PHACTR1: variants seen among roughly 807,000 people sequenced by gnomAD.
The protein encoded by PHACTR1 is phosphatase and actin regulator 1, also known as RPEL repeat containing 1.
In PHACTR1, 16 loss-of-function variants were observed where a neutral mutation model predicts 69.2. The observed-to-expected ratio is 0.23, with a 90% CI of 0.16 to 0.35. The LOEUF (loss-of-function observed/expected upper bound fraction) is 0.35. Ranked by LOEUF, PHACTR1 falls within the 10% of genes least tolerant of loss-of-function variation. The pLI is 1.00. For synonymous variants in PHACTR1, 312 were observed against 284.5 expected, an observed-to-expected ratio of 1.10 and a Z score of -0.97; for missense variants, 510 against 734.7, an observed-to-expected ratio of 0.69 and a Z score of 3.54.
chr6:12,910,436 T>C (rs920748000), intron 4 of PHACTR1, among the ~76,000 whole-genome samples: 20 of 152,228 alleles, frequency 1.3e-4, no homozygotes, highest in African/African-American at 4.6e-4. Context: ...AAAATGCATA[T>C]AGTACTTGTT....
intron 5 of PHACTR1, among the ~76,000 whole-genome samples, chr6:13,067,233 T>C (rs755104480): frequency 5.9e-5 from 9 of 152,188 alleles, no homozygotes; most frequent in Non-Finnish European, 1.2e-4. Flanking sequence ...TATAGTATTA[T>C]TAACTTCACT....
chr6:12,899,929 T>A (rs972832323), intron 4 of PHACTR1, among the ~76,000 whole-genome samples: 1 of 152,144 alleles, frequency 6.6e-6, no homozygotes, highest in East Asian at 1.9e-4. Flanking sequence ...AGGGCCATCA[T>A]CACTGGGGAC....
intron 5 of PHACTR1, among the ~76,000 whole-genome samples, chr6:13,137,605 T>C (rs184898315): frequency 1.3e-5 from 2 of 152,376 alleles, no homozygotes; most frequent in Admixed American, 1.3e-4. Context: ...TAGCAGTTCC[T>C]GTTGTTTGAA....
chr6:13,051,028 C>T (rs981014976), intron 4 of PHACTR1, among the ~76,000 whole-genome samples: 3 of 152,092 alleles, frequency 2.0e-5, no homozygotes, highest in Admixed American at 6.5e-5. Context: ...CCCCATATTC[C>T]GAGTCAGGTT....
intron 5 of PHACTR1, among the ~76,000 whole-genome samples, chr6:13,064,594 ATATATATATATCTATATATCTATCTATC>A (rs1808282342): frequency 6.0e-4 from 5 of 8,370 alleles, no homozygotes; most frequent in African/African-American, 6.4e-4. Flanking sequence ...ATATATATAT[ATATATATATATCTATATATCTATCTATC>A]CACACTTGCC....
chr6:13,194,530 C>T (rs1764099708), intron 7 of PHACTR1, among the ~76,000 whole-genome samples: 1 of 151,518 alleles, frequency 6.6e-6, no homozygotes, highest in Admixed American at 6.6e-5. Flanking sequence ...GGTGACGTGC[C>T]TAAGTGACTC....
intron 7 of PHACTR1, among the ~76,000 whole-genome samples, chr6:13,202,591 C>T (rs953026362): frequency 5.3e-5 from 8 of 151,616 alleles, no homozygotes; most frequent in African/African-American, 1.5e-4. Flanking sequence ...GATTCTCCTG[C>T]CTCAGCCTCC....
Position 12,860,657 on chromosome 6 carries a change from T to C in PHACTR1, c.250+110867T>C, listed in dbSNP as rs145626352. 2.1e-3 allele frequency among the ~76,000 whole-genome samples: 315 copies of C among 152,330 alleles called. 4 individuals carry two copies. Among genetic ancestry groups the C allele is most frequent in the East Asian group, 0.012 (61 of 5,190 alleles). ...GTTTCTCCACATCCTTTCCAGCATC[T>C]GTTGTTTCCTGACTTTTTAATGATC... is the stretch of plus-strand genomic sequence containing the variant. On this transcript the variant is annotated intron_variant, in intron 4 of 14. Coordinates refer to ENST00000332995, the MANE Select transcript of PHACTR1 (RefSeq NM_030948.6).
At chr6:12,932,377 T>C (rs1788961150) in intron 4 of PHACTR1, among the ~76,000 whole-genome samples, 1 of 152,212 alleles carries the variant, frequency 6.6e-6, no homozygotes. Flanking sequence ...ATAGCAAGTA[T>C]GGCCAATGCT....
At chr6:12,845,293 C>G (rs1329421313) in intron 4 of PHACTR1, among the ~76,000 whole-genome samples, 1 of 152,072 alleles carries the variant, frequency 6.6e-6, no homozygotes, top group Non-Finnish European at 1.5e-5. Flanking sequence ...TGTTACCCAT[C>G]ACATAGGCCA....
intron 4 of PHACTR1, among the ~76,000 whole-genome samples, chr6:12,765,803 GCAATGATACATAC>G (rs1768538737): frequency 6.6e-6 from 1 of 152,140 alleles, no homozygotes; most frequent in African/African-American, 2.4e-5. Flanking sequence ...AATATCACTT[GCAATGATACATAC>G]CATTAGCTTT....
chr6:12,976,127 G>A (rs573498245), intron 4 of PHACTR1, among the ~76,000 whole-genome samples: 1 of 152,152 alleles, frequency 6.6e-6, no homozygotes, highest in Non-Finnish European at 1.5e-5. Flanking sequence ...GTGATGGAAG[G>A]GGAAGGAGAC....
intron 4 of PHACTR1, among the ~76,000 whole-genome samples, chr6:12,914,029 C>T (rs753545218): frequency 6.6e-5 from 10 of 152,096 alleles, no homozygotes; most frequent in East Asian, 3.9e-4. Flanking sequence ...AGTGCAGTGG[C>T]GCAATTTCAG....
chr6:12,849,271 A>T (rs148888965), intron 4 of PHACTR1, among the ~76,000 whole-genome samples: 379 of 152,308 alleles, frequency 2.5e-3, no homozygotes, highest in African/African-American at 8.5e-3. Flanking sequence ...CTCACAATTA[A>T]CAATAAAGCG....
intron 7 of PHACTR1, among the ~76,000 whole-genome samples, chr6:13,197,807 G>A (rs1764644528): frequency 6.6e-6 from 1 of 152,178 alleles, no homozygotes; most frequent in South Asian, 2.1e-4. Context: ...CCAGAGCAGT[G>A]CTGGGATAAT....
chr6:12,846,056 A>G (rs963909434), intron 4 of PHACTR1, among the ~76,000 whole-genome samples: 5 of 148,208 alleles, frequency 3.4e-5, no homozygotes, highest in Admixed American at 6.8e-5. Flanking sequence ...TACTGAAGCC[A>G]TTTCTTTAAA....
At chr6:12,954,103 G>A (rs1791596930) in intron 4 of PHACTR1, among the ~76,000 whole-genome samples, 1 of 152,122 alleles carries the variant, frequency 6.6e-6, no homozygotes, top group South Asian at 2.1e-4. Flanking sequence ...GTAAGGGATA[G>A]GCATTTCAAG....
chr6:12,776,519 C>T (rs961593764), intron 4 of PHACTR1, among the ~76,000 whole-genome samples: 3 of 152,166 alleles, frequency 2.0e-5, no homozygotes, highest in Non-Finnish European at 2.9e-5. Flanking sequence ...CATTCCACAG[C>T]CATTGTCATT....
chr6:12,993,342 A>G (rs1175010465), intron 4 of PHACTR1, among the ~76,000 whole-genome samples: 1 of 152,224 alleles, frequency 6.6e-6, no homozygotes, highest in African/African-American at 2.4e-5. Flanking sequence ...ATAATGGTTA[A>G]TAAGTTGGTT....
Sources: allele counts gnomAD v4.1 joint callset (sites outside exome capture counted in the v4.1 genomes callset), GRCh38; gene constraint gnomAD v4.1.1; transcripts MANE v1.5; gene names NCBI Gene and HGNC (gene_info 2026-07-23, HGNC 2026-07-21).